ASTN1: variants seen among roughly 807,000 people sequenced by gnomAD.
ASTN1 encodes astrotactin 1, also known as astrotactin-1.
Under a neutral mutation model 140.7 loss-of-function variants are expected in ASTN1, and 41 were observed. The observed-to-expected ratio is 0.29, with a 90% CI of 0.23 to 0.38. The LOEUF (loss-of-function observed/expected upper bound fraction) is 0.38. ASTN1 is among the 10% of genes least tolerant of loss of function. The pLI is 1.00. For synonymous variants in ASTN1, 640 were observed against 652.2 expected, an observed-to-expected ratio of 0.98 and a Z score of 0.29; for missense variants, 1,479 against 1,678.8, an observed-to-expected ratio of 0.88 and a Z score of 2.08.
chr1:177,068,826 T>C (rs1215849833), intron 1 of ASTN1, among the ~76,000 whole-genome samples: 34 of 150,460 alleles, frequency 2.3e-4, no homozygotes, highest in South Asian at 1.7e-3. Flanking sequence ...CTTTTCTTTT[T>C]TTTTTTTTTT....
At chr1:177,016,384 C>T (rs1436969031) in intron 7 of ASTN1, among the ~76,000 whole-genome samples, 1 of 151,220 alleles carries the variant, frequency 6.6e-6, no homozygotes, top group African/African-American at 2.4e-5. Flanking sequence ...TGAATTCTGG[C>T]TTCTACATGG....
intron 16 of ASTN1, among the ~76,000 whole-genome samples, chr1:176,925,452 C>T (rs1029750906): frequency 6.6e-6 from 1 of 152,142 alleles, no homozygotes; most frequent in Non-Finnish European, 1.5e-5. Flanking sequence ...ATTAGAATCT[C>T]CATTTTAACA....
chr1:177,052,035 C>A (rs1677566422), intron 2 of ASTN1, among the ~76,000 whole-genome samples: 1 of 152,156 alleles, frequency 6.6e-6, no homozygotes. Flanking sequence ...AATTATCATC[C>A]TAAATCATAA....
chr1:177,138,403 A>G lies in ASTN1; in HGVS notation c.283+25991T>C, dbSNP rs1435132683. 3.3e-5 allele frequency among the ~76,000 whole-genome samples: 5 copies of G among 152,360 alleles called. No homozygotes were observed. The South Asian group carries it at 1.0e-3, about 32-fold the overall frequency. On this transcript the variant is annotated intron_variant, in intron 1 of 22. Transcript: ENST00000361833. Reference sequence around the variant, plus strand: ...AACTACAATCAGTTAATCAAAGAGCATTAATTACATCGGATACTTCCGTTT... The same window carrying G: ...AACTACAATCAGTTAATCAAAGAGCGTTAATTACATCGGATACTTCCGTTT...
Position 176,864,351 on chromosome 1 carries a change from C to T in ASTN1, c.3818G>A (p.Arg1273Lys). The T allele has an allele frequency of 6.2e-7, 1 of 1,614,114 alleles. No homozygotes were observed. The highest frequency in any genetic ancestry group is 8.5e-7 in the Non-Finnish European group (1 of 1,180,010). ...LDWAELSRDLRKTCEEQTLSI... is the reference protein window; with the variant it reads ...LDWAELSRDLKKTCEEQTLSI... ...CAGGGTCTGCTCCTCACACGTCTTC[C>T]TGAGGTCCCGGCTGAGCTCCGCCCA... The change falls in exon 23 of 23, where the codon AGG (arginine) becomes AAG (lysine). Residue 1273 changes from arginine (R) to lysine (K), a missense_variant. By Grantham distance (26) the Arg-to-Lys change is conservative. Coordinates refer to ENST00000361833, the MANE Select transcript of ASTN1 (RefSeq NM_004319.3).
At chr1:177,042,976 C>T (rs946136575) in intron 2 of ASTN1, among the ~76,000 whole-genome samples, 3 of 152,246 alleles carry the variant, frequency 2.0e-5, no homozygotes, top group African/African-American at 7.2e-5. Flanking sequence ...TCCAGTTAAG[C>T]TTGATCATTG....
chr1:176,939,993 C>G (rs1023747045), intron 14 of ASTN1, among the ~76,000 whole-genome samples: 1 of 152,038 alleles, frequency 6.6e-6, no homozygotes, highest in African/African-American at 2.4e-5. Flanking sequence ...AGTTCTGAAG[C>G]CAAGAGTCCA....
At chr1:177,107,652 C>T (rs975827509) in intron 1 of ASTN1, among the ~76,000 whole-genome samples, 2 of 152,148 alleles carry the variant, frequency 1.3e-5, no homozygotes, top group African/African-American at 4.8e-5. Flanking sequence ...AGCTCTCCCC[C>T]AGACAGCCCT....
intron 1 of ASTN1, among the ~76,000 whole-genome samples, chr1:177,066,270 T>C (rs1417610873): frequency 3.3e-5 from 5 of 152,126 alleles, no homozygotes; most frequent in Non-Finnish European, 7.4e-5. Flanking sequence ...TGAGAAGGGC[T>C]CTCATTCATG....
At chr1:177,090,933 T>C (rs1159341115) in intron 1 of ASTN1, among the ~76,000 whole-genome samples, 1 of 96,920 alleles carries the variant, frequency 1.0e-5, no homozygotes, top group Non-Finnish European at 2.1e-5. Context: ...GTTTTCTAGA[T>C]GGGTGGGGGG....
chr1:177,058,357 T>C (rs1677912077), intron 2 of ASTN1, among the ~76,000 whole-genome samples: 1 of 152,208 alleles, frequency 6.6e-6, no homozygotes, highest in Non-Finnish European at 1.5e-5. Flanking sequence ...TATGCCCTTT[T>C]GTCCTCTGTC....
chr1:177,048,146 T>A (rs1677338493), intron 2 of ASTN1, among the ~76,000 whole-genome samples: 1 of 152,026 alleles, frequency 6.6e-6, no homozygotes, highest in African/African-American at 2.4e-5. Flanking sequence ...GCAAAGGAAC[T>A]CTCAAAGGGC....
chr1:176,967,888 G>A (rs1201238921), intron 8 of ASTN1, among the ~76,000 whole-genome samples: 1 of 152,178 alleles, frequency 6.6e-6, no homozygotes, highest in African/African-American at 2.4e-5. Flanking sequence ...AGAGGCAGGA[G>A]TGCAGTGTAG....
At chr1:176,995,648 A>G (rs1003039544) in intron 8 of ASTN1, among the ~76,000 whole-genome samples, 3 of 152,216 alleles carry the variant, frequency 2.0e-5, no homozygotes, top group African/African-American at 7.2e-5. Context: ...GAACCAGGTC[A>G]GGAAGCACTT....
intron 21 of ASTN1, among the ~76,000 whole-genome samples, chr1:176,875,364 G>A (rs1668517290): frequency 6.6e-6 from 1 of 152,126 alleles, no homozygotes; most frequent in African/African-American, 2.4e-5. Flanking sequence ...TAATTTACCT[G>A]TTTAATATTT....
intron 2 of ASTN1, among the ~76,000 whole-genome samples, chr1:177,052,167 C>T (rs1297704889): frequency 6.6e-6 from 1 of 152,130 alleles, no homozygotes; most frequent in African/African-American, 2.4e-5. Context: ...TCCCTAATTG[C>T]CTCGGTCTTT....
chr1:176,870,070 T>C (rs1346810736), intron 21 of ASTN1, among the ~76,000 whole-genome samples: 1 of 152,224 alleles, frequency 6.6e-6, no homozygotes. Context: ...TGTGGCAAAG[T>C]GGAAATGATT....
intron 2 of ASTN1, among the ~76,000 whole-genome samples, chr1:177,044,654 G>T (rs1317305200): frequency 6.6e-6 from 1 of 152,196 alleles, no homozygotes. Flanking sequence ...GCTCGATCAT[G>T]CAGGGAATCC....
At chr1:176,949,036 T>A (rs748571564) in intron 12 of ASTN1, 149 bp downstream of exon 12, 43 of 1,142,188 alleles carry the variant, frequency 3.8e-5, no homozygotes, top group Middle Eastern at 6.1e-4. Context: ...TTTAAAAATG[T>A]TCCCCCCCAA....
Sources: gnomAD v4.1 joint callset for allele counts (sites outside exome capture counted in the v4.1 genomes callset) on GRCh38, gnomAD v4.1.1 for gene constraint, MANE v1.5 for transcripts, NCBI Gene and HGNC (gene_info 2026-07-23, HGNC 2026-07-21) for gene names.